The following UNC13C variants were observed in gnomAD, a reference collection of about 807,000 sequenced individuals.
UNC13C encodes protein unc-13 homolog C.
Under a neutral mutation model 245.4 loss-of-function variants are expected in UNC13C, and 174 were observed. The observed-to-expected ratio is 0.71, with a 90% CI of 0.63 to 0.80. The LOEUF (loss-of-function observed/expected upper bound fraction) is 0.80, where lower values mean the gene tolerates loss of function less well. UNC13C is among the 30% of genes least tolerant of loss of function. The pLI is 0.00. For missense variants in UNC13C, 2,829 were observed against 2,602.9 expected, an observed-to-expected ratio of 1.09 and a Z score of -1.89; for synonymous variants, 992 against 895.1, an observed-to-expected ratio of 1.11 and a Z score of -1.93.
intron 30 of UNC13C, among the ~76,000 whole-genome samples, chr15:54,580,371 T>C (rs1596608285): frequency 6.6e-6 from 1 of 152,236 alleles, no homozygotes; most frequent in East Asian, 1.9e-4. Flanking sequence ...ATAAAAATAG[T>C]AAACCTAAAT....
intron 2 of UNC13C, among the ~76,000 whole-genome samples, chr15:54,024,938 T>TAATA (rs1566958363): frequency 6.6e-6 from 1 of 151,650 alleles, no homozygotes; most frequent in African/African-American, 2.4e-5. Context: ...TAAAAAATAA[T>TAATA]AAAAAAATGC....
chr15:54,227,526 C>G (rs1051689364), intron 4 of UNC13C, among the ~76,000 whole-genome samples: 2 of 152,172 alleles, frequency 1.3e-5, no homozygotes, highest in African/African-American at 4.8e-5. Context: ...CTCTTTGGTG[C>G]CTAAATCTTC....
At chr15:54,271,231 A>G (rs1426463475) in intron 10 of UNC13C, among the ~76,000 whole-genome samples, 1 of 152,204 alleles carries the variant, frequency 6.6e-6, no homozygotes, top group East Asian at 1.9e-4. Flanking sequence ...GTTGTAAACA[A>G]ATGTTTAATT....
At chr15:54,090,283 G>C (rs1462693700) in intron 2 of UNC13C, among the ~76,000 whole-genome samples, 1 of 141,704 alleles carries the variant, frequency 7.1e-6, no homozygotes, top group Non-Finnish European at 1.6e-5. Context: ...TTATGACTCT[G>C]TTGTTACTAT....
At chr15:54,603,130 A>C (rs1251050954) in intron 30 of UNC13C, among the ~76,000 whole-genome samples, 2 of 152,152 alleles carry the variant, frequency 1.3e-5, no homozygotes, top group Middle Eastern at 3.2e-3. Flanking sequence ...GGAATCAAGG[A>C]GTTACCTTGA....
chr15:54,581,419 G>T (rs913467600), intron 30 of UNC13C, among the ~76,000 whole-genome samples: 2 of 152,200 alleles, frequency 1.3e-5, no homozygotes, highest in East Asian at 3.9e-4. Context: ...CAGTTCTGAA[G>T]GCTGGGAAGT....
At chr15:54,237,541 C>A (rs1431221748) in intron 6 of UNC13C, 78 bp from the exon 7 acceptor site, 3 of 1,093,020 alleles carry the variant, frequency 2.7e-6, no homozygotes, top group Non-Finnish European at 4.1e-6. Context: ...CATATTCTTG[C>A]ATTTTCACCT....
chr15:54,571,155 C>T (rs1897736427), intron 30 of UNC13C, among the ~76,000 whole-genome samples: 1 of 152,146 alleles, frequency 6.6e-6, no homozygotes, highest in South Asian at 2.1e-4. Flanking sequence ...TTAGTCCATT[C>T]TCATGCTGCT....
the UNC13C span, among the ~76,000 whole-genome samples, chr15:53,917,074 T>C: frequency 6.6e-6 from 1 of 152,258 alleles, no homozygotes; most frequent in Non-Finnish European, 1.5e-5. Context: ...TATTTATTTA[T>C]GTTTATGACA....
chr15:54,310,303 C>A (rs1439782188), intron 13 of UNC13C, among the ~76,000 whole-genome samples: 1 of 151,894 alleles, frequency 6.6e-6, no homozygotes, highest in Non-Finnish European at 1.5e-5. Flanking sequence ...TGTAACTACA[C>A]ATAAAGAGAG....
intron 10 of UNC13C, among the ~76,000 whole-genome samples, chr15:54,271,654 T>G (rs1190456924): frequency 6.6e-6 from 1 of 152,190 alleles, no homozygotes; most frequent in Non-Finnish European, 1.5e-5. Context: ...TCATGCTGAC[T>G]CCCTGCAAGA....
the UNC13C span, among the ~76,000 whole-genome samples, chr15:53,859,342 T>G: frequency 6.6e-6 from 1 of 152,132 alleles, no homozygotes; most frequent in Non-Finnish European, 1.5e-5. Context: ...AAATTACAAA[T>G]ATGAATGCAT....
At chr15:54,619,114 C>T (rs1344001834) in intron 30 of UNC13C, among the ~76,000 whole-genome samples, 3 of 152,216 alleles carry the variant, frequency 2.0e-5, no homozygotes, top group Non-Finnish European at 1.5e-5. Context: ...CTTAGGACTA[C>T]GACAATCCAC....
intron 2 of UNC13C, among the ~76,000 whole-genome samples, chr15:54,095,775 C>T (rs989021391): frequency 1.6e-4 from 25 of 152,130 alleles, no homozygotes; most frequent in Non-Finnish European, 1.6e-4. Flanking sequence ...ACAAATTTAT[C>T]GACCACTATT....
chr15:54,333,294 G>A (rs2038488548), intron 15 of UNC13C, among the ~76,000 whole-genome samples: 1 of 151,836 alleles, frequency 6.6e-6, no homozygotes, highest in South Asian at 2.1e-4. Context: ...AGTATTTCAG[G>A]AAAGACTATA....
chr15:54,140,357 G>C (rs1236971216), intron 2 of UNC13C, among the ~76,000 whole-genome samples: 1 of 152,054 alleles, frequency 6.6e-6, no homozygotes, highest in Admixed American at 6.6e-5. Context: ...TTAAGAAATG[G>C]TTATTAGTCA....
the UNC13C span, among the ~76,000 whole-genome samples, chr15:53,932,335 C>A: frequency 4.2e-5 from 3 of 70,882 alleles, no homozygotes; most frequent in Non-Finnish European, 1.0e-4. Flanking sequence ...ACAACAACAA[C>A]AACAACAAAC....
chr15:54,111,411 G>A (rs1306459042), intron 2 of UNC13C, among the ~76,000 whole-genome samples: 3 of 152,096 alleles, frequency 2.0e-5, no homozygotes, highest in Non-Finnish European at 2.9e-5. Flanking sequence ...TTTTGTAAAT[G>A]AAGTCCTATT....
chr15:54,538,153 A>AAAAAAAAAAAAAAAC (rs1566895661), intron 26 of UNC13C, among the ~76,000 whole-genome samples: 2 of 145,342 alleles, frequency 1.4e-5, no homozygotes, highest in African/African-American at 5.1e-5. Flanking sequence ...AAAAAAAAAA[A>AAAAAAAAAAAAAAAC]AAAAAAAAAA....
Sources: allele counts gnomAD v4.1 joint callset (sites outside exome capture counted in the v4.1 genomes callset), GRCh38; gene constraint gnomAD v4.1.1; transcripts MANE v1.5; gene names NCBI Gene and HGNC (gene_info 2026-07-23, HGNC 2026-07-21).